The following CCDC83 variants were observed in gnomAD, a reference collection of about 807,000 sequenced individuals.
The protein encoded by CCDC83 is coiled-coil domain-containing protein 83.
In CCDC83, 54 loss-of-function variants were observed where a neutral mutation model predicts 50.1. That is an observed-to-expected ratio of 1.08 (90% CI 0.87 to 1.35). The LOEUF (loss-of-function observed/expected upper bound fraction) is 1.35. Ranked by LOEUF, CCDC83 falls within the 40% of genes most tolerant of loss-of-function variation. The pLI is 0.00. For synonymous variants in CCDC83, 161 were observed against 153.3 expected (o/e 1.05, Z -0.37); for missense variants, 518 against 473.9 (o/e 1.09, Z -0.86).
At chr11:85,879,539 C>T (rs1382238637) in intron 3 of CCDC83, among the ~76,000 whole-genome samples, 2 of 152,042 alleles carry the variant, frequency 1.3e-5, no homozygotes, top group Admixed American at 6.6e-5. Flanking sequence ...AAATAAAAAC[C>T]ACAATGAGGT....
chr11:85,863,346 T>G (rs1380180913), intron 1 of CCDC83, among the ~76,000 whole-genome samples: 1 of 152,222 alleles, frequency 6.6e-6, no homozygotes, highest in Non-Finnish European at 1.5e-5. Flanking sequence ...TAGCTGATAA[T>G]TTTCTGTGAA....
chr11:85,863,229 T>C (rs1354366583), intron 1 of CCDC83, among the ~76,000 whole-genome samples: 1 of 152,236 alleles, frequency 6.6e-6, no homozygotes, highest in African/African-American at 2.4e-5. Context: ...AATGAAACAT[T>C]TGTTAGTATG....
intron 7 of CCDC83, among the ~76,000 whole-genome samples, chr11:85,905,473 G>A (rs1477904818): frequency 6.6e-6 from 1 of 150,812 alleles, no homozygotes; most frequent in Non-Finnish European, 1.5e-5. Flanking sequence ...AGCCAGGCGT[G>A]GTGGCATGCA....
At chr11:85,918,796 CAA>C (rs2093494952) in intron 10 of CCDC83, among the ~76,000 whole-genome samples, 4 of 152,102 alleles carry the variant, frequency 2.6e-5, no homozygotes, top group African/African-American at 9.7e-5. Context: ...CCACATGTTG[CAA>C]GAGAAAAGGA....
At chr11:85,910,342 T>C (rs1217555862) in intron 7 of CCDC83, among the ~76,000 whole-genome samples, 1 of 152,208 alleles carries the variant, frequency 6.6e-6, no homozygotes, top group Non-Finnish European at 1.5e-5. Context: ...GTAATATCAT[T>C]TCTGCCACAT....
At chr11:85,912,578 C>T in intron 8 of CCDC83, 1 of 877,214 alleles carries the variant, frequency 1.1e-6, no homozygotes, top group Non-Finnish European at 2.0e-6. Context: ...CTAGAGGGCC[C>T]CTAGGGGTAG....
rs1292288432 is a variant in CCDC83, at chr11:85,919,367, C to G, written c.1099C>G (p.Pro367Ala). The G allele has an allele frequency of 3.1e-6, 5 of 1,600,456 alleles. No homozygotes were observed. The highest frequency in any genetic ancestry group is 4.2e-6 in the Non-Finnish European group (5 of 1,176,810). ...ACCATAGGATTATGTAAACTTGGGC[C>G]CCCTGGGAGTGAAGCTTATGAGTGT... ...KDFKDYVNLG[P>A]LGVKLMSVES... Residue 367 changes from proline (P) to alanine (A), a missense_variant, in exon 11 of 11, where the codon CCC (proline) becomes GCC (alanine). Pro to Ala is a conservative substitution (Grantham distance 27). Coordinates refer to ENST00000342404, the MANE Select transcript of CCDC83 (RefSeq NM_001286159.2).
intron 5 of CCDC83, among the ~76,000 whole-genome samples, chr11:85,889,222 G>A (rs955327728): frequency 1.3e-5 from 2 of 152,210 alleles, no homozygotes; most frequent in African/African-American, 4.8e-5. Flanking sequence ...GTGTGGTGCC[G>A]CACACCTGCA....
rs191108154 is a variant in CCDC83, at chr11:85,883,136, T to G, written c.343+461T>G. Among the ~76,000 whole-genome samples, 179 of 152,278 alleles carry G rather than the reference T, an allele frequency of 1.2e-3. 2 individuals are homozygous for G. The highest frequency in any genetic ancestry group is 4.0e-3 in the African/African-American group (168 of 41,546). On this transcript the variant is annotated intron_variant, in intron 4 of 10. Coordinates refer to ENST00000342404, the MANE Select transcript of CCDC83 (RefSeq NM_001286159.2). ...TCTTGCTATGTTGCCCAGGCTGGTC[T>G]CGAACTCCTGGGCTCAAGGGATAGT...
At chr11:85,872,679 TACAG>T (rs1207934940) in intron 2 of CCDC83, among the ~76,000 whole-genome samples, 9 of 152,186 alleles carry the variant, frequency 5.9e-5, no homozygotes, top group Non-Finnish European at 2.9e-5. Context: ...TTTCATACCT[TACAG>T]ACACTCAACA....
chr11:85,906,087 A>T (rs111304632), intron 7 of CCDC83, among the ~76,000 whole-genome samples: 18 of 149,110 alleles, frequency 1.2e-4, no homozygotes, highest in African/African-American at 4.4e-4. Flanking sequence ...TTTTTTTGAG[A>T]CGGAGCCTCA....
chr11:85,869,206 G>T (rs2153682934), intron 2 of CCDC83, among the ~76,000 whole-genome samples: 1 of 152,296 alleles, frequency 6.6e-6, no homozygotes, highest in Non-Finnish European at 1.5e-5. Flanking sequence ...AAGCAATCCT[G>T]CCCTTTTATC....
intron 5 of CCDC83, among the ~76,000 whole-genome samples, chr11:85,887,356 G>C (rs1484519589): frequency 6.6e-6 from 1 of 152,228 alleles, no homozygotes; most frequent in Non-Finnish European, 1.5e-5. Context: ...CAACAGTCCA[G>C]GACTCAGCTG....
chr11:85,872,560 G>A (rs2093244925), intron 2 of CCDC83, among the ~76,000 whole-genome samples: 2 of 152,118 alleles, frequency 1.3e-5, no homozygotes, highest in African/African-American at 4.8e-5. Context: ...GGGATTACAG[G>A]TGTGAGCCAC....
intron 3 of CCDC83, among the ~76,000 whole-genome samples, chr11:85,876,395 C>T (rs2093269415): frequency 1.3e-5 from 2 of 152,178 alleles, no homozygotes; most frequent in African/African-American, 2.4e-5. Context: ...ACTAATGTCA[C>T]TTTCCTGGAT....
chr11:85,885,122 G>A (rs967540393), intron 4 of CCDC83, among the ~76,000 whole-genome samples: 1 of 152,040 alleles, frequency 6.6e-6, no homozygotes, highest in African/African-American at 2.4e-5. Flanking sequence ...ACTGAGGCAG[G>A]AGAATCACTT....
rs1311431513 is a variant in CCDC83, at chr11:85,916,122, T to C, written c.969T>C (p.Asn323=). The change falls in exon 10 of 11, where the codon AAT becomes AAC. Residue 323 remains asparagine, a synonymous_variant. Transcript: ENST00000342404. ...CTATCTTACATCTTAGTCATGAAAA[T>C]AGCATCGAAGATCTCCAGTATGTGA... ...ESTILHLSHE[N]SIEDLQYVKI... is the part of the protein sequence containing the mutation. The C allele has an allele frequency of 3.7e-6, 6 of 1,613,134 alleles. No homozygotes were observed. The highest frequency in any genetic ancestry group is 5.1e-6 in the Non-Finnish European group (6 of 1,179,236).
intron 5 of CCDC83, among the ~76,000 whole-genome samples, chr11:85,888,601 A>G (rs141063548): frequency 6.6e-6 from 1 of 152,304 alleles, no homozygotes; most frequent in Non-Finnish European, 1.5e-5. Flanking sequence ...TAATGAAGAA[A>G]TGATGTGCTT....
chr11:85,912,701 C>A, intron 8 of CCDC83: 1 of 1,612,454 alleles, frequency 6.2e-7, no homozygotes, highest in Non-Finnish European at 8.5e-7. Context: ...TCTGCTGCTG[C>A]TGCCTTTGGA....
Sources: gnomAD v4.1 joint callset for allele counts (sites outside exome capture counted in the v4.1 genomes callset) on GRCh38, gnomAD v4.1.1 for gene constraint, MANE v1.5 for transcripts, NCBI Gene and HGNC (gene_info 2026-07-23, HGNC 2026-07-21) for gene names.